Variants in TSPAN18 observed in about 807,000 individuals in gnomAD.
TSPAN18 encodes the protein tetraspanin-18.
In TSPAN18, 14 loss-of-function variants were observed where a neutral mutation model predicts 27.3. That is an observed-to-expected ratio of 0.51 (90% CI 0.34 to 0.80). The LOEUF (loss-of-function observed/expected upper bound fraction) is 0.80. TSPAN18 is among the 30% of genes least tolerant of loss of function. The pLI is 0.01. For synonymous variants in TSPAN18, 143 were observed against 136.5 expected, an observed-to-expected ratio of 1.05 and a Z score of -0.33; for missense variants, 268 against 323.9, an observed-to-expected ratio of 0.83 and a Z score of 1.32.
At chr11:44,749,360 C>A (rs1193453422) in intron 1 of TSPAN18, among the ~76,000 whole-genome samples, 6 of 152,200 alleles carry the variant, frequency 3.9e-5, no homozygotes, top group African/African-American at 1.4e-4. Flanking sequence ...TTCCATATGT[C>A]AGCTCTTTTT....
In TSPAN18 at chr11:44,932,396, G is replaced by A. The variant is rs1000653774; in HGVS notation, c.*3218G>A. 1 of 152,198 alleles carries A rather than the reference G, an allele frequency of 6.6e-6. No homozygotes were observed. Among genetic ancestry groups the A allele is most frequent in the Non-Finnish European group, 1.5e-5 (1 of 68,052 alleles). 9.4% of individuals were successfully genotyped at this position (152,198 alleles called of 1,614,324 possible). On this transcript the variant is annotated 3_prime_UTR_variant, in exon 10 of 10. Transcript: ENST00000520358. ...TGAATGTTTCTTACAAAAAGAAAAA[G>A]GAACAAAGAATAAATAGTGACCGTG...
At position 44,918,001 on chromosome 11, in the gene TSPAN18, G is replaced by A. The variant is rs1177134157; in HGVS notation, c.288G>A (p.Leu96=). 3.1e-6 allele frequency: 5 copies of A among 1,614,006 alleles called. No individual in the cohort carries two copies. The highest frequency in any genetic ancestry group is 4.2e-6 in the Non-Finnish European group (5 of 1,180,032). ...FFFLFILIIF[L]AELSAAILAF... is the part of the protein sequence containing the mutation. ...TCCTGTTCATCCTGATCATCTTCCT[G>A]GCAGAGCTCTCAGCAGCCATCCTGG... The change falls in exon 6 of 10, where the codon CTG becomes CTA. Residue 96 remains leucine (L), a synonymous_variant. Coordinates refer to ENST00000520358, the MANE Select transcript of TSPAN18 (RefSeq NM_130783.5).
At chr11:44,880,163 C>T (rs900293262) in intron 3 of TSPAN18, among the ~76,000 whole-genome samples, 3 of 152,246 alleles carry the variant, frequency 2.0e-5, no homozygotes, top group Non-Finnish European at 2.9e-5. Context: ...GCACCCATGA[C>T]AGTGCCTGTG....
Position 44,764,935 on chromosome 11 carries a change from G to A in TSPAN18, c.-153+423G>A, listed in dbSNP as rs114001839. Among the ~76,000 whole-genome samples, 679 of 152,232 alleles carry A rather than the reference G, an allele frequency of 4.5e-3. 5 individuals carry two copies. Among genetic ancestry groups the A allele is most frequent in the African/African-American group, 0.016 (647 of 41,522 alleles). On this transcript the variant is annotated intron_variant, in intron 2 of 9. Coordinates refer to ENST00000520358, the MANE Select transcript of TSPAN18 (RefSeq NM_130783.5). ...GGGTGATTACCTTCCCTCTGCCCTC[G>A]ATAATCTTTTGGACAAAGTCTAAAT...
intron 1 of TSPAN18, among the ~76,000 whole-genome samples, chr11:44,746,976 C>G (rs1855092646): frequency 6.6e-6 from 1 of 152,202 alleles, no homozygotes; most frequent in South Asian, 2.1e-4. Flanking sequence ...TGTGGGAAAC[C>G]CATTCTTGGG....
intron 1 of TSPAN18, among the ~76,000 whole-genome samples, chr11:44,751,164 C>A (rs1040382972): frequency 1.1e-4 from 16 of 152,270 alleles, no homozygotes; most frequent in African/African-American, 3.1e-4. Flanking sequence ...AGACCTGGTG[C>A]CTGCCAGCAA....
At chr11:44,797,118 A>G (rs1431358595) in intron 2 of TSPAN18, among the ~76,000 whole-genome samples, 3 of 152,186 alleles carry the variant, frequency 2.0e-5, no homozygotes, top group Admixed American at 1.3e-4. Context: ...TGATGCCACA[A>G]GAAATCCGTA....
At chr11:44,850,816 T>C (rs1425008456) in intron 2 of TSPAN18, among the ~76,000 whole-genome samples, 1 of 152,088 alleles carries the variant, frequency 6.6e-6, no homozygotes, top group Non-Finnish European at 1.5e-5. Flanking sequence ...CAGCTGGCCT[T>C]ATCCCAGGTA....
chr11:44,931,442 G>A lies in TSPAN18; in HGVS notation c.*2264G>A, dbSNP rs1860559137. 1 of 155,106 alleles carries A rather than the reference G, an allele frequency of 6.4e-6. No individual in the cohort carries two copies. The highest frequency in any genetic ancestry group is 1.4e-5 in the Non-Finnish European group (1 of 69,988). The allele number at this position is 155,106 out of a possible 1,614,324, so 9.6% of individuals were successfully genotyped here. On this transcript the variant is annotated 3_prime_UTR_variant, in exon 10 of 10. Coordinates refer to ENST00000520358, the MANE Select transcript of TSPAN18 (RefSeq NM_130783.5). ...TTCTGGGGCCCACAGAAGTCAGAGG[G>A]AGGACCCAAGAGAAAGGGCTGGTCA...
intron 2 of TSPAN18, among the ~76,000 whole-genome samples, chr11:44,852,549 G>T (rs1045960241): frequency 1.3e-5 from 2 of 152,218 alleles, no homozygotes; most frequent in African/African-American, 4.8e-5. Flanking sequence ...CTCAGGAGTG[G>T]CCTCAGGGGC....
intron 1 of TSPAN18, among the ~76,000 whole-genome samples, chr11:44,741,867 G>A (rs1447322620): frequency 6.6e-6 from 1 of 152,142 alleles, no homozygotes; most frequent in South Asian, 2.1e-4. Context: ...TGCCAGGTTG[G>A]CCCCTCCCCT....
chr11:44,846,334 T>C (rs1301703728), intron 2 of TSPAN18, among the ~76,000 whole-genome samples: 1 of 152,220 alleles, frequency 6.6e-6, no homozygotes, highest in Non-Finnish European at 1.5e-5. Context: ...ACACCTCTGA[T>C]GTTTAATGAA....
At chr11:44,768,073 T>C (rs1042281557) in intron 2 of TSPAN18, among the ~76,000 whole-genome samples, 25 of 152,248 alleles carry the variant, frequency 1.6e-4, no homozygotes, top group African/African-American at 5.8e-4. Flanking sequence ...CAATTTTTGA[T>C]TGGCTATTCT....
At chr11:44,904,144 T>C (rs1054097539) in intron 3 of TSPAN18, among the ~76,000 whole-genome samples, 3 of 152,150 alleles carry the variant, frequency 2.0e-5, no homozygotes, top group African/African-American at 7.2e-5. Flanking sequence ...GTTCACCCCA[T>C]GATTTTTTCC....
intron 1 of TSPAN18, among the ~76,000 whole-genome samples, chr11:44,762,894 C>T (rs989637803): frequency 6.6e-6 from 1 of 152,120 alleles, no homozygotes; most frequent in Admixed American, 6.6e-5. Flanking sequence ...AACTCATCAC[C>T]TTCCTGCTTA....
At chr11:44,862,708 G>A (rs1178303328) in intron 3 of TSPAN18, among the ~76,000 whole-genome samples, 2 of 152,184 alleles carry the variant, frequency 1.3e-5, no homozygotes, top group Non-Finnish European at 2.9e-5. Flanking sequence ...CCAACCCCTC[G>A]CCTGATGTCT....
chr11:44,750,713 C>T (rs930229295), intron 1 of TSPAN18, among the ~76,000 whole-genome samples: 8 of 152,156 alleles, frequency 5.3e-5, no homozygotes, highest in Admixed American at 1.3e-4. Context: ...AATCAATAGG[C>T]GAGATCCCTG....
At position 44,730,111 on chromosome 11, in the gene TSPAN18, G is replaced by A. The variant is rs189982329; in HGVS notation, c.-240+2824G>A. Among the ~76,000 whole-genome samples the A allele has an allele frequency of 6.8e-3, 1,030 of 151,944 alleles. 13 individuals carry two copies. The highest frequency in any genetic ancestry group is 0.024 in the African/African-American group (982 of 41,440). On this transcript the variant is annotated intron_variant, in intron 1 of 9. Coordinates refer to ENST00000520358, the MANE Select transcript of TSPAN18 (RefSeq NM_130783.5). The stretch of plus-strand genomic sequence containing the variant: ...GGAAGGTGCCTCTCCGGGCTGGCTT[G>A]CCTCTCTCTGCCCGCCTGTACACAG...
intron 2 of TSPAN18, among the ~76,000 whole-genome samples, chr11:44,775,999 C>T (rs1481531851): frequency 6.6e-6 from 1 of 152,118 alleles, no homozygotes; most frequent in African/African-American, 2.4e-5. Context: ...TTAGCTGCTC[C>T]CTGGTTTTCC....
Sources: allele counts gnomAD v4.1 joint callset (sites outside exome capture counted in the v4.1 genomes callset), GRCh38; gene constraint gnomAD v4.1.1; transcripts MANE v1.5; gene names NCBI Gene and HGNC (gene_info 2026-07-23, HGNC 2026-07-21).